KCNC4: variants seen among roughly 807,000 people sequenced by gnomAD.
KCNC4 encodes voltage-gated potassium channel KCNC4.
KCNC4 carries 23 observed loss-of-function variants against 42.8 expected under a neutral mutation model. The observed-to-expected ratio is 0.54, with a 90% CI of 0.39 to 0.76. The LOEUF is 0.76. KCNC4 is among the 30% of genes least tolerant of loss of function. The pLI, the probability that KCNC4 is intolerant of heterozygous loss-of-function variation, is 0.00. For synonymous variants in KCNC4, 422 were observed against 393.5 expected, an observed-to-expected ratio of 1.07 and a Z score of -0.86; for missense variants, 751 against 898.2, an observed-to-expected ratio of 0.84 and a Z score of 2.10.
chr1:110,279,084 G>A (rs1014278210), intron 1 of KCNC4, among the ~76,000 whole-genome samples: 7 of 152,122 alleles, frequency 4.6e-5, no homozygotes, highest in Admixed American at 3.3e-4. Flanking sequence ...CAAGTTGTGG[G>A]CTTTTCTTCC....
At chr1:110,243,590 G>A (rs1002854367) in exon 4 of KCNC4, 1 of 153,336 alleles carries the variant, frequency 6.5e-6, no homozygotes, top group Non-Finnish European at 1.5e-5. Flanking sequence ...AAGACTGAAA[G>A]CAGATCTCAG....
intron 1 of KCNC4, chr1:110,220,961 A>G (rs1658063450): frequency 6.6e-6 from 1 of 152,256 alleles, no homozygotes; most frequent in Admixed American, 6.5e-5. Flanking sequence ...GTTATTACAC[A>G]TGCATTTCAT....
chr1:110,283,947 G>T (rs1557878191), downstream of KCNC4, among the ~76,000 whole-genome samples: 1 of 152,186 alleles, frequency 6.6e-6, no homozygotes, highest in Admixed American at 6.5e-5. Context: ...GGAACCACTT[G>T]CTAACTGTGT....
At chr1:110,225,412 C>T (rs1571043555) in intron 2 of KCNC4, 1 of 152,410 alleles carries the variant, frequency 6.6e-6, no homozygotes, top group Non-Finnish European at 1.5e-5. Context: ...ATGGTATCCT[C>T]CCCAGACAAA....
intron 1 of KCNC4, among the ~76,000 whole-genome samples, chr1:110,267,528 C>T (rs1424111460): frequency 6.6e-6 from 1 of 152,180 alleles, no homozygotes; most frequent in Non-Finnish European, 1.5e-5. Flanking sequence ...CATTTACAAT[C>T]CGGCTCCTGC....
intron 3 of KCNC4, among the ~76,000 whole-genome samples, chr1:110,227,836 G>A (rs1033731178): frequency 1.3e-5 from 2 of 152,174 alleles, no homozygotes; most frequent in Non-Finnish European, 2.9e-5. Flanking sequence ...CGAGGTACTG[G>A]GAGTGGACTG....
rs770965544 is a variant in KCNC4, at chr1:110,226,098, G to C, written c.1739G>C (p.Arg580Pro). 4 of 1,614,094 alleles carry C rather than the reference G, an allele frequency of 2.5e-6. No homozygotes were observed. In the Admixed American group the frequency reaches 5.0e-5, roughly 20 times the overall value. Reference sequence around the variant, plus strand: ...CGGGCCCTGCGACGCTCCACCACTCGAGACAGAAACAAGAAGGCAGCTGCC... The same window carrying C: ...CGGGCCCTGCGACGCTCCACCACTCCAGACAGAAACAAGAAGGCAGCTGCC... Reference protein sequence around the residue: ...ERRALRRSTTRDRNKKAAACF... With the variant: ...ERRALRRSTTPDRNKKAAACF... The change falls in exon 3 of 4, where the codon CGA becomes CCA. Residue 580 changes from arginine (R) to proline (P), a missense_variant. Coordinates refer to ENST00000438661, the MANE Select transcript of KCNC4 (RefSeq NM_001039574.3).
At position 110,211,514 on chromosome 1, in the gene KCNC4, G is replaced by A. The variant is rs891467221; in HGVS notation, c.15G>A (p.Val5=). The A allele has an allele frequency of 1.2e-6, 2 of 1,613,702 alleles. No homozygotes were observed. Among genetic ancestry groups the A allele is most frequent in the Admixed American group, 1.7e-5 (1 of 60,000 alleles). The change falls in exon 1 of 4, where the codon GTG becomes GTA. Residue 5 remains valine, a synonymous_variant. Transcript: ENST00000438661. This position sits in a 1 kb window ranked among gnomAD's most constrained non-coding sequence, Gnocchi z 6.5. MISS[V]CVSSYRGRKS... is the part of the protein sequence containing the mutation. Reference sequence around the variant, plus strand: ...CAGCGCTTCTTATGATCAGCTCGGTGTGTGTCTCCTCCTACCGCGGGCGCA... The same window carrying A: ...CAGCGCTTCTTATGATCAGCTCGGTATGTGTCTCCTCCTACCGCGGGCGCA...
Position 110,213,159 on chromosome 1 carries a change from G to T in KCNC4, c.678+982G>T, listed in dbSNP as rs553268818. On this transcript the variant is annotated intron_variant, in intron 1 of 3. Transcript: ENST00000438661. Reference sequence around the variant, plus strand: ...ACGGGGGAGGTGCTTCCCCCATTATGCTTCGACAGCTAAAAAAAAAAAAAA... The same window carrying T: ...ACGGGGGAGGTGCTTCCCCCATTATTCTTCGACAGCTAAAAAAAAAAAAAA... Among the ~76,000 whole-genome samples the T allele has an allele frequency of 8.7e-3, 864 of 99,204 alleles. 9 individuals are homozygous for T. Among genetic ancestry groups the T allele is most frequent in the Middle Eastern group, 0.015 (2 of 130 alleles). 65.1% of individuals were successfully genotyped at this position (99,204 alleles called of 152,430 possible). A position where few individuals can be genotyped will look rare whatever the true frequency, so the allele number is the denominator to read the frequency against.
At chr1:110,224,149 C>A (rs901903883) in intron 2 of KCNC4, 23 of 510,174 alleles carry the variant, frequency 4.5e-5, no homozygotes, top group African/African-American at 4.0e-4. Flanking sequence ...ATGGGCAGTA[C>A]ATGGGGCTGT....
chr1:110,281,661 T>C (rs1659830941), intron 1 of KCNC4, among the ~76,000 whole-genome samples: 2 of 151,952 alleles, frequency 1.3e-5, no homozygotes, highest in South Asian at 4.2e-4. Flanking sequence ...GGTGAGCCAG[T>C]TGCTTCCCTT....
At chr1:110,251,670 G>A (rs567125177), downstream of KCNC4, among the ~76,000 whole-genome samples, 303 of 152,344 alleles carry the variant, frequency 2.0e-3, 1 homozygote, top group African/African-American at 7.1e-3. Context: ...CAAGAGAGAA[G>A]GAGGAACTTA....
chr1:110,232,160 C>T, intron 3 of KCNC4: 3 of 1,539,212 alleles, frequency 1.9e-6, no homozygotes, highest in Non-Finnish European at 2.7e-6. Flanking sequence ...CCCAAAAGGG[C>T]TCTCTGAGGG....
downstream of KCNC4, chr1:110,236,592 G>A (rs1386743009): frequency 6.6e-6 from 1 of 152,202 alleles, no homozygotes; most frequent in Non-Finnish European, 1.5e-5. Context: ...ATAAAGCGAG[G>A]AGGAATGTCC....
At chr1:110,278,747 G>A (rs1386129355) in intron 1 of KCNC4, among the ~76,000 whole-genome samples, 2 of 152,052 alleles carry the variant, frequency 1.3e-5, no homozygotes, top group Admixed American at 1.3e-4. Flanking sequence ...TGCTGCAATC[G>A]TATCTGTCAT....
At chr1:110,218,546 CTTGT>C (rs1434944643) in intron 1 of KCNC4, among the ~76,000 whole-genome samples, 1 of 151,204 alleles carries the variant, frequency 6.6e-6, no homozygotes, top group African/African-American at 2.4e-5. Context: ...GTGTATTTTG[CTTGT>C]TTATTTGTTA....
chr1:110,263,789 TA>T (rs5777009), intron 1 of KCNC4, among the ~76,000 whole-genome samples: 40,655 of 146,118 alleles, frequency 0.28, 5,952 homozygotes, highest in Non-Finnish European at 0.34. Flanking sequence ...CCTTCCTCTC[TA>T]AAAAAAAAAC....
chr1:110,247,639 C>G (rs1285334313), exon 4 of KCNC4: 1 of 148,898 alleles, frequency 6.7e-6, no homozygotes, highest in African/African-American at 2.5e-5. Flanking sequence ...ACTGCAACCT[C>G]TGCCTTCTGG....
exon 4 of KCNC4, chr1:110,248,554 T>A (rs528645947): frequency 6.6e-6 from 1 of 152,212 alleles, no homozygotes; most frequent in African/African-American, 2.4e-5. Context: ...TTGTATTTTT[T>A]AAAAAATTAT....
Sources: gnomAD v4.1 joint callset for allele counts (sites outside exome capture counted in the v4.1 genomes callset) on GRCh38, gnomAD v4.1.1 for gene constraint, Gnocchi (gnomAD v3.1) non-coding constraint, MANE v1.5 for transcripts, NCBI Gene and HGNC (gene_info 2026-07-23, HGNC 2026-07-21) for gene names.